SORBS2: variants seen among roughly 807,000 people sequenced by gnomAD.
The protein encoded by SORBS2 is sorbin and SH3 domain containing 2, also known as sorbin and SH3 domain-containing protein 2.
SORBS2 carries 46 observed loss-of-function variants against 97.7 expected under a neutral mutation model. The ratio of observed to expected loss-of-function variants is 0.47; its 90% CI spans 0.37 to 0.60. The LOEUF is 0.60. Among genes scored for constraint, SORBS2 ranks in the 20% least tolerant of loss-of-function variants. The pLI is 0.00. For missense variants in SORBS2, 1,316 were observed against 1,282.3 expected, an observed-to-expected ratio of 1.03 and a Z score of -0.40; for synonymous variants, 476 against 473.4, an observed-to-expected ratio of 1.01 and a Z score of -0.07.
At chr4:185,888,086 T>G (rs2149794803) in intron 1 of SORBS2, among the ~76,000 whole-genome samples, 1 of 151,968 alleles carries the variant, frequency 6.6e-6, no homozygotes, top group South Asian at 2.1e-4. Flanking sequence ...ATTATTTTGC[T>G]TTCTGGCATT....
At chr4:185,912,640 A>AAGGG (rs2099255950) in intron 1 of SORBS2, among the ~76,000 whole-genome samples, 1 of 151,452 alleles carries the variant, frequency 6.6e-6, no homozygotes, top group Non-Finnish European at 1.5e-5. Flanking sequence ...AGTAGGAGAA[A>AAGGG]AGGGAAAGGG....
At chr4:185,807,050 G>A (rs2099159966) in intron 1 of SORBS2, among the ~76,000 whole-genome samples, 1 of 152,126 alleles carries the variant, frequency 6.6e-6, no homozygotes, top group African/African-American at 2.4e-5. Flanking sequence ...AAACATCTCA[G>A]AGGGAAGAGA....
intron 1 of SORBS2, among the ~76,000 whole-genome samples, chr4:185,855,510 G>C (rs2099220239): frequency 6.6e-6 from 1 of 151,696 alleles, no homozygotes; most frequent in African/African-American, 2.4e-5. Context: ...TCATTAGGAG[G>C]CTCCTTGGCT....
chr4:185,793,377 C>T (rs2099090281), intron 1 of SORBS2, among the ~76,000 whole-genome samples: 1 of 152,170 alleles, frequency 6.6e-6, no homozygotes, highest in Non-Finnish European at 1.5e-5. Context: ...GCCGTGAATA[C>T]TCCACATAAT....
chr4:185,665,949 G>T, intron 4 of SORBS2: 1 of 1,240,794 alleles, frequency 8.1e-7, no homozygotes, highest in Non-Finnish European at 1.0e-6. Context: ...TGTGGATGAG[G>T]CTTTCTGGAG....
chr4:185,707,270 T>A (rs2098358312), intron 2 of SORBS2, among the ~76,000 whole-genome samples: 1 of 152,146 alleles, frequency 6.6e-6, no homozygotes, highest in Admixed American at 6.6e-5. Context: ...TATTAAGTAG[T>A]GAGTGAAGCT....
chr4:185,721,442 A>G (rs1454072460), intron 2 of SORBS2, among the ~76,000 whole-genome samples: 1 of 152,180 alleles, frequency 6.6e-6, no homozygotes, highest in Non-Finnish European at 1.5e-5. Context: ...CAGCACGGTG[A>G]CTGGGTCTTT....
chr4:185,831,582 T>C (rs2099205165), intron 1 of SORBS2, among the ~76,000 whole-genome samples: 1 of 152,174 alleles, frequency 6.6e-6, no homozygotes, highest in South Asian at 2.1e-4. Context: ...ACACATTGAG[T>C]AAGCAGCACC....
chr4:185,886,068 C>G (rs1190264356), intron 1 of SORBS2, among the ~76,000 whole-genome samples: 1 of 152,114 alleles, frequency 6.6e-6, no homozygotes, highest in African/African-American at 2.4e-5. Context: ...CAAGCAAATA[C>G]GATGTGTTAC....
intron 1 of SORBS2, among the ~76,000 whole-genome samples, chr4:185,796,313 C>G (rs2099104332): frequency 6.6e-6 from 1 of 152,236 alleles, no homozygotes; most frequent in Admixed American, 6.5e-5. Context: ...CTTGAAATGT[C>G]TCACAGTTGC....
At chr4:185,915,504 T>C (rs1453237600) in intron 1 of SORBS2, among the ~76,000 whole-genome samples, 2 of 151,994 alleles carry the variant, frequency 1.3e-5, no homozygotes, top group Non-Finnish European at 2.9e-5. Context: ...ACCAGGAGAG[T>C]ACATACAAAC....
At chr4:185,777,927 T>C (rs552513463) in intron 1 of SORBS2, among the ~76,000 whole-genome samples, 1 of 152,340 alleles carries the variant, frequency 6.6e-6, no homozygotes, top group East Asian at 1.9e-4. Flanking sequence ...CCCCACAAAT[T>C]TGTACAAATA....
intron 2 of SORBS2, among the ~76,000 whole-genome samples, chr4:185,730,027 A>C (rs938833001): frequency 2.6e-5 from 4 of 151,892 alleles, no homozygotes; most frequent in Non-Finnish European, 4.4e-5. Flanking sequence ...ATCTCGGCTC[A>C]CTGCAAGCTC....
At chr4:185,674,084 C>T (rs76121731) in intron 4 of SORBS2, among the ~76,000 whole-genome samples, 175 of 152,310 alleles carry the variant, frequency 1.1e-3, no homozygotes, top group Non-Finnish European at 2.0e-3. Flanking sequence ...CAAAACCCAT[C>T]GACTAGCCAA....
At chr4:185,819,177 CT>C (rs1482993667) in intron 1 of SORBS2, among the ~76,000 whole-genome samples, 1 of 152,190 alleles carries the variant, frequency 6.6e-6, no homozygotes. Flanking sequence ...TTTTCTCTCA[CT>C]TGAAGGATTG....
In SORBS2 at chr4:185,690,446, T is replaced by C; in HGVS notation, c.-197-11624A>G. The C allele has an allele frequency of 5.4e-6, 3 of 553,920 alleles. 1 individual carries two copies. In the African/African-American group the frequency reaches 5.6e-5, roughly 10 times the overall value. 34.3% of individuals were successfully genotyped at this position (553,920 alleles called of 1,614,324 possible). A position where few individuals can be genotyped will look rare whatever the true frequency, so the allele number is the denominator to read the frequency against. ...AAGTAATGAATCTATGCTATGTATC[T>C]AATCAGAAACTCAGAATCACATTTA... On this transcript the variant is annotated intron_variant, in intron 2 of 20. Coordinates refer to the SORBS2 transcript ENST00000284776.
intron 2 of SORBS2, among the ~76,000 whole-genome samples, chr4:185,725,978 T>A (rs1468971265): frequency 6.6e-6 from 1 of 152,240 alleles, no homozygotes; most frequent in Non-Finnish European, 1.5e-5. Context: ...CCTTTTTTTG[T>A]ACATTTCATG....
intron 1 of SORBS2, among the ~76,000 whole-genome samples, chr4:185,920,541 A>G (rs886099505): frequency 6.6e-6 from 1 of 152,218 alleles, no homozygotes; most frequent in Non-Finnish European, 1.5e-5. Context: ...CAGTGACTGA[A>G]AGTGGAAAAA....
At chr4:185,811,236 TTAAA>T (rs2099182093) in intron 1 of SORBS2, 1 of 152,082 alleles carries the variant, frequency 6.6e-6, no homozygotes, top group South Asian at 2.1e-4. Context: ...GTGTTAAGAG[TTAAA>T]TAAATCATTT....
Sources: allele counts gnomAD v4.1 joint callset (sites outside exome capture counted in the v4.1 genomes callset), GRCh38; gene constraint gnomAD v4.1.1; transcripts MANE v1.5; gene names NCBI Gene and HGNC (gene_info 2026-07-23, HGNC 2026-07-21).